The following CDH18 variants were observed in gnomAD, a reference collection of about 807,000 sequenced individuals.
CDH18 encodes cadherin-18.
In CDH18, 31 loss-of-function variants were observed where a neutral mutation model predicts 67.9. The ratio of observed to expected loss-of-function variants is 0.46; its 90% CI spans 0.34 to 0.62. CDH18 has a LOEUF of 0.62. Among genes scored for constraint, CDH18 ranks in the 20% least tolerant of loss-of-function variants. The pLI is 0.01. For synonymous variants in CDH18, 362 were observed against 347.2 expected (o/e 1.04, Z -0.48); for missense variants, 890 against 975.5 (o/e 0.91, Z 1.17).
At chr5:20,080,255 T>C (rs567775944) in intron 2 of CDH18, among the ~76,000 whole-genome samples, 2 of 152,308 alleles carry the variant, frequency 1.3e-5, no homozygotes, top group African/African-American at 4.8e-5. Context: ...TTTTATTACA[T>C]TGGCCTTCCT....
chr5:19,854,348 GTCTATT>G (rs1450525852), intron 2 of CDH18, among the ~76,000 whole-genome samples: 6 of 152,138 alleles, frequency 3.9e-5, no homozygotes, highest in African/African-American at 1.4e-4. Context: ...AGGGAAATCT[GTCTATT>G]TCTATCAAAA....
At chr5:19,583,469 G>A (rs552061297) in intron 7 of CDH18, among the ~76,000 whole-genome samples, 1 of 152,114 alleles carries the variant, frequency 6.6e-6, no homozygotes, top group Non-Finnish European at 1.5e-5. Context: ...CATGAAGACA[G>A]TATATACATT....
Position 20,512,621 on chromosome 5 carries a change from C to T in CDH18, c.-580+62841G>A, listed in dbSNP as rs560652211. On this transcript the variant is annotated intron_variant, in intron 1 of 14. Transcript: ENST00000507958. ...TCAGCTGGCTGAGTGTGGTGGGTCACGCCTATAATCCCAACACTTTGGGAG... is the reference window on the plus strand; with the variant it reads ...TCAGCTGGCTGAGTGTGGTGGGTCATGCCTATAATCCCAACACTTTGGGAG... Among the ~76,000 whole-genome samples, 21 of 152,034 alleles carry T rather than the reference C, an allele frequency of 1.4e-4. 2 individuals are homozygous for T. The highest frequency in any genetic ancestry group is 3.9e-4 in the African/African-American group (16 of 41,494).
intron 2 of CDH18, among the ~76,000 whole-genome samples, chr5:20,058,903 T>A (rs1742225200): frequency 6.6e-6 from 1 of 152,202 alleles, no homozygotes; most frequent in African/African-American, 2.4e-5. Flanking sequence ...TTTTCAGGAT[T>A]CTGGTAGAAT....
chr5:19,552,938 ATGT>A (rs776280665), intron 8 of CDH18, among the ~76,000 whole-genome samples: 1 of 123,734 alleles, frequency 8.1e-6, no homozygotes, highest in Non-Finnish European at 1.7e-5. Context: ...TCTCTAGTAA[ATGT>A]TTTAAAGCAA....
intron 4 of CDH18, among the ~76,000 whole-genome samples, chr5:19,731,701 T>C (rs1002020688): frequency 2.6e-5 from 4 of 152,182 alleles, no homozygotes; most frequent in African/African-American, 9.7e-5. Flanking sequence ...ATTCTATCAA[T>C]TATCTCTCTA....
chr5:20,235,276 G>A (rs4866049), intron 2 of CDH18, among the ~76,000 whole-genome samples: 106,566 of 151,968 alleles, frequency 0.7, 38,038 homozygotes, highest in African/African-American at 0.85. Context: ...AAAGTTGACA[G>A]CTTGGACCTA....
chr5:19,497,997 A>C (rs1041271831), intron 11 of CDH18, among the ~76,000 whole-genome samples: 1 of 152,174 alleles, frequency 6.6e-6, no homozygotes, highest in African/African-American at 2.4e-5. Flanking sequence ...AAGGAGCATA[A>C]GTTCTTCTTC....
Position 20,146,907 on chromosome 5 carries a change from C to T in CDH18, c.-518+108537G>A, listed in dbSNP as rs914745991. Among the ~76,000 whole-genome samples, 3 of 151,890 alleles carry T rather than the reference C, an allele frequency of 2.0e-5. No individual in the cohort carries two copies. The South Asian group carries it at 6.2e-4, about 31-fold the overall frequency. On this transcript the variant is annotated intron_variant, in intron 2 of 14. Coordinates refer to the CDH18 transcript ENST00000507958. ...ATTTCTACATCTTAGGCATTATTTA[C>T]CATTTATTTACTACTACTTTTCTTG...
At chr5:19,969,080 T>G (rs1274576259) in intron 2 of CDH18, among the ~76,000 whole-genome samples, 10 of 134,068 alleles carry the variant, frequency 7.5e-5, no homozygotes, top group Non-Finnish European at 1.0e-4. Context: ...GCAGCCAAAA[T>G]ACACATGAAA....
chr5:19,859,335 C>T lies in CDH18; in HGVS notation c.-256-20093G>A, dbSNP rs138853681. ...GTAGCAATAAAACACCAAATTCCAG[C>T]TGACCCTAGTATAGCATCAGATGAC... is the stretch of plus-strand genomic sequence containing the variant. On this transcript the variant is annotated intron_variant, in intron 2 of 12. Transcript: ENST00000382275. Among the ~76,000 whole-genome samples the T allele has an allele frequency of 7.8e-4, 118 of 152,232 alleles. 3 individuals are homozygous for T. In the East Asian group the frequency reaches 0.02, roughly 26 times the overall value.
intron 4 of CDH18, among the ~76,000 whole-genome samples, chr5:19,734,803 G>T (rs995264291): frequency 6.6e-6 from 1 of 151,928 alleles, no homozygotes; most frequent in Non-Finnish European, 1.5e-5. Flanking sequence ...TATTATTGTG[G>T]TTTCTTTTTG....
At chr5:19,982,468 A>T (rs1455791460) in intron 1 of CDH18, among the ~76,000 whole-genome samples, 1 of 152,158 alleles carries the variant, frequency 6.6e-6, no homozygotes, top group Non-Finnish European at 1.5e-5. Flanking sequence ...AGCTTAGTAA[A>T]TTATATTTAA....
At position 19,747,101 on chromosome 5, in the gene CDH18, T is replaced by G; in HGVS notation, c.364A>C (p.Thr122Pro). The G allele has an allele frequency of 6.2e-7, 1 of 1,614,072 alleles. No individual in the cohort carries two copies. Residue 122 changes from threonine (T) to proline (P), a missense_variant, in exon 4 of 13, where the codon ACC (threonine) becomes CCC (proline). By Grantham distance (38) the Thr-to-Pro change is conservative. Around this residue, in one of 2 missense-constraint regions of CDH18, gnomAD observed 234 missense variants for 307.4 expected, o/e 0.76. Coordinates refer to ENST00000382275, the MANE Select transcript of CDH18 (RefSeq NM_004934.5). The part of the protein sequence containing the change: ...STKSLDREQK[T>P]HYVLHAQAID... Reference sequence around the variant, plus strand: ...GCTTGAGCATGAAGCACATAGTGGGTCTTCTGCTCTCTGTCTAGGCTTTTT... The same window carrying G: ...GCTTGAGCATGAAGCACATAGTGGGGCTTCTGCTCTCTGTCTAGGCTTTTT...
intron 1 of CDH18, among the ~76,000 whole-genome samples, chr5:20,480,984 G>A (rs1275969619): frequency 2.0e-5 from 3 of 151,960 alleles, no homozygotes; most frequent in Non-Finnish European, 2.9e-5. Context: ...GCAAGGTGAA[G>A]CCTTCACTTA....
At chr5:19,972,601 C>A (rs1258408736) in intron 2 of CDH18, among the ~76,000 whole-genome samples, 1 of 151,818 alleles carries the variant, frequency 6.6e-6, no homozygotes, top group East Asian at 1.9e-4. Flanking sequence ...CAATGAGATA[C>A]CACTACATAC....
At chr5:19,965,010 C>G (rs1436392976) in intron 2 of CDH18, among the ~76,000 whole-genome samples, 2 of 152,040 alleles carry the variant, frequency 1.3e-5, no homozygotes, top group South Asian at 4.1e-4. Context: ...CACACATATG[C>G]AATATATACC....
intron 1 of CDH18, among the ~76,000 whole-genome samples, chr5:20,376,090 A>ACTTTTTTTTTTTTTTTTTTTT (rs1562014136): frequency 5.9e-5 from 1 of 16,880 alleles, no homozygotes; most frequent in Non-Finnish European, 1.5e-4. Flanking sequence ...AAAAAGAAAC[A>ACTTTTTTTTTTTTTTTTTTTT]ATTTTTTTTT....
At chr5:20,359,496 G>T (rs1287962208) in intron 1 of CDH18, among the ~76,000 whole-genome samples, 1 of 151,894 alleles carries the variant, frequency 6.6e-6, no homozygotes, top group African/African-American at 2.4e-5. Context: ...TCTTCCTCTT[G>T]GTTCATATTT....
Sources: gnomAD v4.1 joint callset for allele counts (sites outside exome capture counted in the v4.1 genomes callset) on GRCh38, gnomAD v4.1.1 for gene constraint, gnomAD v4.1.1 regional missense constraint, MANE v1.5 for transcripts, NCBI Gene and HGNC (gene_info 2026-07-23, HGNC 2026-07-21) for gene names.